Variants in CADM2 observed in about 807,000 individuals in gnomAD.
CADM2 encodes immunoglobulin superfamily member 4D.
In CADM2, 12 loss-of-function variants were observed where a neutral mutation model predicts 49.8. That is an observed-to-expected ratio of 0.24 (90% CI 0.15 to 0.39). The LOEUF is 0.39. CADM2 is among the 10% of genes least tolerant of loss of function. The probability of loss-of-function intolerance (pLI) is 1.00; values close to 1 mark genes in which losing one functional copy is unlikely to be tolerated. For synonymous variants in CADM2, 214 were observed against 175.4 expected, an observed-to-expected ratio of 1.22 and a Z score of -1.74; for missense variants, 378 against 492.3, an observed-to-expected ratio of 0.77 and a Z score of 2.20.
Position 85,990,153 on chromosome 3 carries a change from T to C in CADM2, c.970+28506T>C, listed in dbSNP as rs1728611118. ...CAAATTAGATAGTTTCATTTAAGAT[T>C]TTTTTGCCTTCACGATGGCACAAAA... On this transcript the variant is annotated intron_variant, in intron 8 of 9. Transcript: ENST00000383699. Among the ~76,000 whole-genome samples the C allele has an allele frequency of 2.0e-5, 3 of 151,980 alleles. No individual in the cohort carries two copies. In the South Asian group the frequency reaches 6.2e-4, roughly 32 times the overall value.
At chr3:85,869,654 A>G (rs1440498811) in intron 3 of CADM2, among the ~76,000 whole-genome samples, 1 of 151,216 alleles carries the variant, frequency 6.6e-6, no homozygotes, top group Non-Finnish European at 1.5e-5. Context: ...CATTTTTTAT[A>G]TTGTTATTAT....
chr3:84,960,081 A>T, intron 1 of CADM2: 1 of 225,310 alleles, frequency 4.4e-6, no homozygotes, highest in Non-Finnish European at 8.7e-6. Context: ...CATCTCTTTA[A>T]CCTCCCCCTT....
At chr3:84,977,895 T>C (rs2031931359) in intron 1 of CADM2, among the ~76,000 whole-genome samples, 1 of 152,090 alleles carries the variant, frequency 6.6e-6, no homozygotes, top group Non-Finnish European at 1.5e-5. Context: ...TGCTTTAAAC[T>C]AAGATCTTTA....
At chr3:85,492,941 T>C (rs948590363) in intron 1 of CADM2, among the ~76,000 whole-genome samples, 1 of 152,114 alleles carries the variant, frequency 6.6e-6, no homozygotes. Flanking sequence ...TATATTTTTA[T>C]AACTCGTATA....
intron 1 of CADM2, among the ~76,000 whole-genome samples, chr3:85,265,364 G>C (rs547134099): frequency 4.6e-5 from 7 of 151,870 alleles, no homozygotes; most frequent in Non-Finnish European, 7.4e-5. Context: ...ATTTATAAAA[G>C]ATTAAAGTTT....
chr3:85,934,651 A>G, intron 6 of CADM2, among the ~76,000 whole-genome samples: 1 of 152,212 alleles, frequency 6.6e-6, no homozygotes, highest in East Asian at 1.9e-4. Flanking sequence ...ATAAACTATT[A>G]CATTTTATTT....
chr3:85,078,629 A>G (rs1035036632), intron 1 of CADM2, among the ~76,000 whole-genome samples: 36 of 151,886 alleles, frequency 2.4e-4, no homozygotes, highest in African/African-American at 8.2e-4. Flanking sequence ...CATAACTTTC[A>G]TTCACAAGAT....
At chr3:85,979,306 A>T in intron 8 of CADM2, 1 of 1,606,392 alleles carries the variant, frequency 6.2e-7, no homozygotes, top group Non-Finnish European at 8.5e-7. Context: ...TCTTTGTTAT[A>T]GCCTGGAAAG....
chr3:85,464,811 T>G (rs369412447), intron 1 of CADM2, among the ~76,000 whole-genome samples: 1 of 152,198 alleles, frequency 6.6e-6, no homozygotes, highest in Admixed American at 6.5e-5. Context: ...TGTCTTACAG[T>G]AATATTCTCT....
At chr3:85,522,739 A>T (rs1310630068) in intron 1 of CADM2, among the ~76,000 whole-genome samples, 1 of 152,018 alleles carries the variant, frequency 6.6e-6, no homozygotes, top group African/African-American at 2.4e-5. Context: ...CTGACTCTCA[A>T]GTCTAAAATA....
intron 1 of CADM2, among the ~76,000 whole-genome samples, chr3:84,966,499 G>A (rs2030992302): frequency 6.6e-6 from 1 of 151,594 alleles, no homozygotes; most frequent in African/African-American, 2.4e-5. Flanking sequence ...AATTTTCTCA[G>A]GCTGCAACAA....
At chr3:85,554,153 G>A (rs2061889649) in intron 1 of CADM2, among the ~76,000 whole-genome samples, 1 of 151,966 alleles carries the variant, frequency 6.6e-6, no homozygotes, top group African/African-American at 2.4e-5. Flanking sequence ...GGCGGGAGGT[G>A]TTTTGAGGAT....
chr3:85,473,537 A>G (rs2038855266), intron 1 of CADM2, among the ~76,000 whole-genome samples: 1 of 152,080 alleles, frequency 6.6e-6, no homozygotes, highest in Non-Finnish European at 1.5e-5. Flanking sequence ...AAATTCCTCC[A>G]TGTTCAACAT....
chr3:85,337,085 G>A (rs947144831), intron 1 of CADM2, among the ~76,000 whole-genome samples: 1 of 143,206 alleles, frequency 7.0e-6, no homozygotes. Context: ...ACCATTTAAG[G>A]GAAAACAATA....
chr3:85,816,275 T>A (rs2073197783), intron 3 of CADM2, among the ~76,000 whole-genome samples: 1 of 151,624 alleles, frequency 6.6e-6, no homozygotes, highest in South Asian at 2.1e-4. Context: ...AGCACCAACC[T>A]AAAGGTTATT....
At chr3:85,868,659 T>G (rs1220199784) in intron 3 of CADM2, among the ~76,000 whole-genome samples, 3 of 152,168 alleles carry the variant, frequency 2.0e-5, no homozygotes, top group Non-Finnish European at 4.4e-5. Context: ...AAAACACAAG[T>G]GACTTTTAGC....
intron 1 of CADM2, among the ~76,000 whole-genome samples, chr3:85,586,806 G>A (rs946082336): frequency 5.3e-5 from 8 of 152,020 alleles, no homozygotes; most frequent in African/African-American, 1.7e-4. Context: ...TTACAAAAGA[G>A]AAAAGTATCC....
rs1739678990 is a variant in CADM2, at chr3:86,069,729, G to A, written c.*2946G>A. 6.6e-6 allele frequency: 1 copy of A among 152,090 alleles called. No homozygotes were observed. The highest frequency in any genetic ancestry group is 3.4e-3 in the Middle Eastern group (1 of 294). The allele number at this position is 152,090 out of a possible 1,614,324, so 9.4% of individuals were successfully genotyped here. On this transcript the variant is annotated 3_prime_UTR_variant, in exon 10 of 10. Coordinates refer to ENST00000383699, the MANE Select transcript of CADM2 (RefSeq NM_001167675.2). Reference sequence around the variant, plus strand: ...ACACACACCCTTAGTAGAATATGGAGCATTATTCTTTACCAAAAGTAGCTA... The same window carrying A: ...ACACACACCCTTAGTAGAATATGGAACATTATTCTTTACCAAAAGTAGCTA...
chr3:85,505,924 C>A (rs1417157018), intron 1 of CADM2, among the ~76,000 whole-genome samples: 1 of 152,106 alleles, frequency 6.6e-6, no homozygotes, highest in African/African-American at 2.4e-5. Context: ...ATAATTTCAG[C>A]TTTAATATTT....
Sources: allele counts gnomAD v4.1 joint callset (sites outside exome capture counted in the v4.1 genomes callset), GRCh38; gene constraint gnomAD v4.1.1; transcripts MANE v1.5; gene names NCBI Gene and HGNC (gene_info 2026-07-23, HGNC 2026-07-21).